The following GABRA3 variants were observed in gnomAD, a reference collection of about 807,000 sequenced individuals.
GABRA3 encodes the protein gamma-aminobutyric acid receptor subunit alpha-3.
In GABRA3, 10 loss-of-function variants were observed where a neutral mutation model predicts 30.1. That is an observed-to-expected ratio of 0.33 (90% CI 0.20 to 0.56). GABRA3 has a LOEUF of 0.56. Among genes scored for constraint, GABRA3 ranks in the 20% least tolerant of loss-of-function variants. GABRA3 has a pLI of 0.89. For synonymous variants in GABRA3, 151 were observed against 146.8 expected (o/e 1.03, Z -0.21); for missense variants, 233 against 392.0 (o/e 0.59, Z 3.42).
intron 3 of GABRA3, among the ~76,000 whole-genome samples, chrX:152,314,853 A>G (rs1175298102): frequency 1.8e-5 from 2 of 112,392 alleles, no homozygotes; most frequent in African/African-American, 6.5e-5. Flanking sequence ...GCCAGATTGC[A>G]AATATCATGA....
intron 3 of GABRA3, among the ~76,000 whole-genome samples, chrX:152,323,000 G>A (rs893355339): frequency 3.9e-4 from 41 of 105,832 alleles, no homozygotes; most frequent in African/African-American, 9.3e-4. Flanking sequence ...CTACAGGCGC[G>A]CACCACCATG....
chrX:152,258,487 G>A (rs1938674952), intron 4 of GABRA3, among the ~76,000 whole-genome samples: 2 of 111,505 alleles, frequency 1.8e-5, no homozygotes, highest in South Asian at 7.5e-4. Flanking sequence ...AGAGATTTGA[G>A]AAAATAGGGG....
At chrX:152,199,959 C>A (rs1440996617) in intron 7 of GABRA3, among the ~76,000 whole-genome samples, 1 of 111,921 alleles carries the variant, frequency 8.9e-6, no homozygotes, top group Non-Finnish European at 1.9e-5. Flanking sequence ...CCACCCTGGT[C>A]TAAGCCACCA....
intron 5 of GABRA3, among the ~76,000 whole-genome samples, chrX:152,226,703 C>T (rs1395971858): frequency 9.0e-6 from 1 of 111,404 alleles, no homozygotes; most frequent in Non-Finnish European, 1.9e-5. Context: ...ACAAACAACC[C>T]CATCAACAAG....
chrX:152,391,678 G>A (rs1929488797), intron 1 of GABRA3, among the ~76,000 whole-genome samples: 1 of 111,255 alleles, frequency 9.0e-6, no homozygotes, highest in Non-Finnish European at 1.9e-5. Flanking sequence ...AGAAAGACAC[G>A]ATGAATAATG....
intron 4 of GABRA3, among the ~76,000 whole-genome samples, chrX:152,269,789 T>C (rs1346058111): frequency 3.6e-5 from 4 of 111,910 alleles, no homozygotes; most frequent in East Asian, 5.6e-4. Context: ...GAATAACCCA[T>C]ATGTGGAAGA....
intron 9 of GABRA3, among the ~76,000 whole-genome samples, chrX:152,179,838 A>AT (rs1428188746): frequency 9.0e-6 from 1 of 111,067 alleles, no homozygotes; most frequent in African/African-American, 3.3e-5. Context: ...TGCCTAGCTT[A>AT]TTTCATTTAT....
intron 1 of GABRA3, among the ~76,000 whole-genome samples, chrX:152,416,427 C>T (rs1237326165): frequency 9.4e-6 from 1 of 106,033 alleles, no homozygotes; most frequent in Non-Finnish European, 1.9e-5. Context: ...GAATCAATAT[C>T]GTGAAAATGG....
At chrX:152,174,994 T>C (rs1391589997) in intron 9 of GABRA3, among the ~76,000 whole-genome samples, 2 of 112,082 alleles carry the variant, frequency 1.8e-5, no homozygotes. Flanking sequence ...GGATCCAGTT[T>C]CAGCTTTCTC....
At position 152,199,167 on chromosome X, in the gene GABRA3, C is replaced by G. The variant is rs569340982; in HGVS notation, c.779-1382G>C. 1.3e-4 allele frequency among the ~76,000 whole-genome samples: 14 copies of G among 110,225 alleles called. No homozygotes were observed. The Admixed American group carries it at 1.4e-3, about 11-fold the overall frequency. Reference sequence around the variant, plus strand: ...AGATTACGAGGTCAGGAGATCGAGACCATCCTGGCTAACATGGTGAAACCC... The same window carrying G: ...AGATTACGAGGTCAGGAGATCGAGAGCATCCTGGCTAACATGGTGAAACCC... On this transcript the variant is annotated intron_variant, in intron 7 of 9. Transcript: ENST00000370314.
intron 1 of GABRA3, among the ~76,000 whole-genome samples, chrX:152,365,752 G>T: frequency 9.0e-6 from 1 of 110,982 alleles, no homozygotes; most frequent in South Asian, 3.8e-4. Context: ...AAGAACAAAA[G>T]GCCTTTTAAA....
At chrX:152,269,971 C>G (rs1204886311) in intron 4 of GABRA3, among the ~76,000 whole-genome samples, 2 of 111,563 alleles carry the variant, frequency 1.8e-5, no homozygotes, top group Non-Finnish European at 3.8e-5. Flanking sequence ...GCATGGACAA[C>G]CAAAGTAAAA....
intron 4 of GABRA3, among the ~76,000 whole-genome samples, chrX:152,273,036 GACAAGGGATTA>G (rs1938976009): frequency 9.0e-6 from 1 of 111,357 alleles, no homozygotes; most frequent in South Asian, 3.7e-4. Flanking sequence ...CACACCATCT[GACAAGGGATTA>G]ACAACCAGAA....
chrX:152,174,472 C>T (rs1279205964), intron 9 of GABRA3, among the ~76,000 whole-genome samples: 19 of 111,694 alleles, frequency 1.7e-4, no homozygotes, highest in East Asian at 8.5e-4. Context: ...GACTTTTTAA[C>T]GATCGCCATT....
chrX:152,249,467 C>A (rs143797360), intron 5 of GABRA3, among the ~76,000 whole-genome samples: 1 of 111,362 alleles, frequency 9.0e-6, no homozygotes, highest in Non-Finnish European at 1.9e-5. Context: ...ATATATAATA[C>A]GTAGTTGTCA....
intron 7 of GABRA3, among the ~76,000 whole-genome samples, chrX:152,201,328 G>A (rs1247143502): frequency 9.7e-6 from 1 of 103,615 alleles, no homozygotes; most frequent in Non-Finnish European, 2.0e-5. Flanking sequence ...TACCACCTGT[G>A]TTGTGTGTGT....
chrX:152,445,175 T>A (rs58206354), intron 1 of GABRA3, among the ~76,000 whole-genome samples: 8,041 of 109,764 alleles, frequency 0.073, 551 homozygotes, highest in African/African-American at 0.22. Flanking sequence ...CCCTTCTGTG[T>A]ATATTCAGGA....
chrX:152,189,961 G>C lies in GABRA3; in HGVS notation c.932-20C>G. 9.2e-7 allele frequency: 1 copy of C among 1,089,413 alleles called. No individual in the cohort carries two copies. The highest frequency in any genetic ancestry group is 1.3e-6 in the Non-Finnish European group (1 of 796,943). 89.8% of individuals were successfully genotyped at this position (1,089,413 alleles called of 1,213,427 possible). A position where few individuals can be genotyped will look rare whatever the true frequency, so the allele number is the denominator to read the frequency against. On this transcript the variant is annotated intron_variant, in intron 8 of 9. Coordinates refer to ENST00000370314, the MANE Select transcript of GABRA3 (RefSeq NM_000808.4). ...TGACACCTGAGGAGAGGAAAGATGAGAACCAGTTGCAACTGGAAGACATTG... is the reference window on the plus strand; with the variant it reads ...TGACACCTGAGGAGAGGAAAGATGACAACCAGTTGCAACTGGAAGACATTG...
At chrX:152,385,864 G>T (rs1929289989) in intron 1 of GABRA3, among the ~76,000 whole-genome samples, 1 of 111,357 alleles carries the variant, frequency 9.0e-6, no homozygotes, top group Non-Finnish European at 1.9e-5. Flanking sequence ...TTTCCCCATT[G>T]CTTGTTTTTC....
Sources: allele counts gnomAD v4.1 joint callset (sites outside exome capture counted in the v4.1 genomes callset), GRCh38; gene constraint gnomAD v4.1.1; transcripts MANE v1.5; gene names NCBI Gene and HGNC (gene_info 2026-07-23, HGNC 2026-07-21).